The following TNR variants were observed in gnomAD, a reference collection of about 807,000 sequenced individuals.
The protein encoded by TNR is tenascin-R.
In TNR, 45 loss-of-function variants were observed where a neutral mutation model predicts 150.4. The ratio of observed to expected loss-of-function variants is 0.30; its 90% CI spans 0.24 to 0.38. TNR has a LOEUF of 0.38. Ranked by LOEUF, TNR falls within the 10% of genes least tolerant of loss-of-function variation. The pLI is 1.00. For synonymous variants in TNR, 687 were observed against 678.4 expected (o/e 1.01, Z -0.20); for missense variants, 1,544 against 1,759.1 (o/e 0.88, Z 2.19).
chr1:175,345,576 A>T (rs1047854733), intron 18 of TNR, among the ~76,000 whole-genome samples: 2 of 152,196 alleles, frequency 1.3e-5, no homozygotes, highest in African/African-American at 4.8e-5. Flanking sequence ...TGAATAAGGG[A>T]TTTAAATAAG....
At chr1:175,394,087 G>A (rs1021681149) in intron 5 of TNR, among the ~76,000 whole-genome samples, 192 bp from the exon 6 acceptor site, 1 of 152,228 alleles carries the variant, frequency 6.6e-6, no homozygotes, top group Non-Finnish European at 1.5e-5. Flanking sequence ...TCTAGTGCTC[G>A]ATGTTGATGG....
chr1:175,330,051 G>GTC, intron 21 of TNR, 23 bp downstream of exon 21: 1 of 1,531,932 alleles, frequency 6.5e-7, no homozygotes, highest in Non-Finnish European at 8.9e-7. Context: ...TGTCCTTGGG[G>GTC]TCTGCTCAGG....
At chr1:175,492,001 TAA>T (rs1252341594) in intron 2 of TNR, among the ~76,000 whole-genome samples, 2 of 136,918 alleles carry the variant, frequency 1.5e-5, no homozygotes, top group African/African-American at 5.6e-5. Context: ...ATGAATTATT[TAA>T]AAGTTTCATG....
At position 175,323,328 on chromosome 1, in the gene TNR, A is replaced by G. The variant is rs1431886016; in HGVS notation, c.*29T>C. 2 of 1,609,328 alleles carry G rather than the reference A, an allele frequency of 1.2e-6. No homozygotes were observed. The highest frequency in any genetic ancestry group is 1.1e-5 in the South Asian group (1 of 90,154). ...ATAAAATACAAACAAATGACAGAAA[A>G]TATTGGTTGGCTTGCAGCCGCCCAC... On this transcript the variant is annotated 3_prime_UTR_variant, in exon 23 of 23. Transcript: ENST00000367674.
At chr1:175,440,387 TG>T (rs1445600353) in intron 2 of TNR, among the ~76,000 whole-genome samples, 1 of 70,996 alleles carries the variant, frequency 1.4e-5, no homozygotes, top group Non-Finnish European at 2.9e-5. Context: ...GGGTGGCGGG[TG>T]GGGGGAGGGA....
intron 1 of TNR, among the ~76,000 whole-genome samples, chr1:175,548,116 T>C (rs986161603): frequency 2.0e-5 from 3 of 152,086 alleles, no homozygotes; most frequent in Admixed American, 6.5e-5. Flanking sequence ...GTGGACCAGG[T>C]GGACCATGCA....
At chr1:175,572,107 C>A (rs1216423296) in intron 1 of TNR, among the ~76,000 whole-genome samples, 1 of 152,134 alleles carries the variant, frequency 6.6e-6, no homozygotes, top group Admixed American at 6.5e-5. Context: ...TGGACAGGAA[C>A]AAAGATCATG....
intron 1 of TNR, among the ~76,000 whole-genome samples, chr1:175,568,515 A>C (rs998929746): frequency 2.6e-5 from 4 of 152,100 alleles, no homozygotes; most frequent in African/African-American, 9.7e-5. Context: ...TCCATCCATC[A>C]GTCCTTTGCA....
intron 7 of TNR, among the ~76,000 whole-genome samples, chr1:175,388,076 G>C (rs1291175220): frequency 6.6e-6 from 1 of 152,108 alleles, no homozygotes; most frequent in East Asian, 1.9e-4. Flanking sequence ...AGATAACTTA[G>C]GCCTTTCACA....
At chr1:175,444,970 G>A (rs571211196) in intron 2 of TNR, among the ~76,000 whole-genome samples, 1 of 152,258 alleles carries the variant, frequency 6.6e-6, no homozygotes, top group African/African-American at 2.4e-5. Flanking sequence ...AGTTAGTAAG[G>A]CAGTAAGAAG....
At chr1:175,731,642 G>A (rs765942169) in intron 1 of TNR, among the ~76,000 whole-genome samples, 2 of 152,104 alleles carry the variant, frequency 1.3e-5, no homozygotes, top group Admixed American at 6.6e-5. Context: ...AAGGAGGCAC[G>A]GCGGGCAGAG....
intron 1 of TNR, among the ~76,000 whole-genome samples, chr1:175,718,278 C>T (rs990812137): frequency 1.3e-5 from 2 of 152,172 alleles, no homozygotes; most frequent in Non-Finnish European, 2.9e-5. Flanking sequence ...TCCTGGCCTT[C>T]TCTGACCTGC....
chr1:175,359,187 C>T (rs561486053), intron 15 of TNR, among the ~76,000 whole-genome samples: 1 of 110,542 alleles, frequency 9.0e-6, no homozygotes, highest in African/African-American at 3.4e-5. Flanking sequence ...GCTGTGACTC[C>T]CAGGCTGGAG....
intron 1 of TNR, among the ~76,000 whole-genome samples, chr1:175,717,755 T>C (rs1667191973): frequency 1.3e-5 from 2 of 152,196 alleles, no homozygotes; most frequent in African/African-American, 4.8e-5. Context: ...TTAAACCACG[T>C]CCCTTTGTCC....
intron 1 of TNR, among the ~76,000 whole-genome samples, chr1:175,602,608 T>G (rs1297722510): frequency 6.6e-6 from 1 of 152,242 alleles, no homozygotes; most frequent in African/African-American, 2.4e-5. Flanking sequence ...TGAGGAATAA[T>G]ACAAATAATG....
intron 2 of TNR, among the ~76,000 whole-genome samples, chr1:175,480,443 GAGAAAGAA>G (rs1553228915): frequency 2.1e-5 from 2 of 94,656 alleles, no homozygotes; most frequent in African/African-American, 9.7e-5. Flanking sequence ...AAGAAAGAAA[GAGAAAGAA>G]AGAAAGAAAA....
intron 1 of TNR, among the ~76,000 whole-genome samples, chr1:175,633,024 A>G (rs540036809): frequency 3.3e-5 from 5 of 152,194 alleles, no homozygotes; most frequent in African/African-American, 9.6e-5. Context: ...CTGTCTCCAT[A>G]CCTTGTATAC....
At chr1:175,732,579 C>A (rs949161076) in intron 1 of TNR, among the ~76,000 whole-genome samples, 1 of 152,218 alleles carries the variant, frequency 6.6e-6, no homozygotes, top group Non-Finnish European at 1.5e-5. Context: ...TTGAACCTGA[C>A]CTTTGTGGTT....
intron 2 of TNR, among the ~76,000 whole-genome samples, chr1:175,425,317 A>G (rs1345624348): frequency 6.6e-6 from 1 of 152,128 alleles, no homozygotes; most frequent in Non-Finnish European, 1.5e-5. Context: ...CTGTTTTCTC[A>G]TCTGTAACAT....
Sources: gnomAD v4.1 joint callset for allele counts (sites outside exome capture counted in the v4.1 genomes callset) on GRCh38, gnomAD v4.1.1 for gene constraint, MANE v1.5 for transcripts, NCBI Gene and HGNC (gene_info 2026-07-23, HGNC 2026-07-21) for gene names.